The following KCNT2 variants were observed in gnomAD, a reference collection of about 807,000 sequenced individuals.
KCNT2 encodes potassium sodium-activated channel subfamily T member 2.
In KCNT2, 67 loss-of-function variants were observed where a neutral mutation model predicts 153.8. The observed-to-expected ratio is 0.44, with a 90% CI of 0.36 to 0.53. The LOEUF (loss-of-function observed/expected upper bound fraction) is 0.53. Ranked by LOEUF, KCNT2 falls within the 20% of genes least tolerant of loss-of-function variation. The pLI, the probability that KCNT2 is intolerant of heterozygous loss-of-function variation, is 0.00. For synonymous variants in KCNT2, 500 were observed against 458.8 expected (o/e 1.09, Z -1.15); for missense variants, 975 against 1,354.8 (o/e 0.72, Z 4.40).
chr1:196,336,308 C>T (rs1024636973), intron 16 of KCNT2, among the ~76,000 whole-genome samples: 1 of 152,074 alleles, frequency 6.6e-6, no homozygotes, highest in Non-Finnish European at 1.5e-5. Flanking sequence ...CACATCATCT[C>T]TCCTTCTGGC....
intron 7 of KCNT2, among the ~76,000 whole-genome samples, chr1:196,466,128 T>C (rs1345383251): frequency 6.6e-6 from 1 of 152,102 alleles, no homozygotes; most frequent in African/African-American, 2.4e-5. Context: ...CATAAATTAA[T>C]ATTGCAAAAC....
chr1:196,287,409 G>A (rs1205363283), intron 22 of KCNT2, among the ~76,000 whole-genome samples: 5 of 151,954 alleles, frequency 3.3e-5, no homozygotes, highest in Admixed American at 6.6e-5. Flanking sequence ...GTGCTGGAAC[G>A]CCTGAGAATT....
At chr1:196,535,751 G>A (rs1377542398) in intron 1 of KCNT2, among the ~76,000 whole-genome samples, 1 of 152,122 alleles carries the variant, frequency 6.6e-6, no homozygotes, top group Non-Finnish European at 1.5e-5. Context: ...GCAATCTGTG[G>A]GTGCAAGCCA....
At chr1:196,321,610 A>G (rs1339763230) in intron 19 of KCNT2, among the ~76,000 whole-genome samples, 1 of 151,986 alleles carries the variant, frequency 6.6e-6, no homozygotes, top group Non-Finnish European at 1.5e-5. Flanking sequence ...GTATTGTGGT[A>G]GTATGGTTCA....
chr1:196,504,681 A>T (rs1680984322), intron 1 of KCNT2, among the ~76,000 whole-genome samples: 1 of 152,146 alleles, frequency 6.6e-6, no homozygotes, highest in South Asian at 2.1e-4. Flanking sequence ...CAATGGTTGA[A>T]CTAGTTTATA....
At chr1:196,585,941 C>A (rs1662626487) in intron 1 of KCNT2, among the ~76,000 whole-genome samples, 1 of 151,998 alleles carries the variant, frequency 6.6e-6, no homozygotes, top group South Asian at 2.1e-4. Flanking sequence ...AATCTCAACT[C>A]TATTGAACTC....
chr1:196,513,407 C>T (rs940673952), intron 1 of KCNT2, among the ~76,000 whole-genome samples: 1 of 152,168 alleles, frequency 6.6e-6, no homozygotes, highest in Non-Finnish European at 1.5e-5. Flanking sequence ...TCCCAAATAA[C>T]CTTGCTCCAA....
At chr1:196,595,065 G>T (rs978821349) in intron 1 of KCNT2, among the ~76,000 whole-genome samples, 2 of 151,980 alleles carry the variant, frequency 1.3e-5, no homozygotes, top group Non-Finnish European at 2.9e-5. Context: ...GAGATAGGGT[G>T]CATAAAACAG....
chr1:196,283,732 A>C (rs1277612527), intron 23 of KCNT2, among the ~76,000 whole-genome samples: 1 of 152,162 alleles, frequency 6.6e-6, no homozygotes, highest in Non-Finnish European at 1.5e-5. Context: ...TTTTTAAAAA[A>C]GCCACAAAAT....
chr1:196,514,386 T>C (rs575275315), intron 1 of KCNT2, among the ~76,000 whole-genome samples: 1 of 152,290 alleles, frequency 6.6e-6, no homozygotes, highest in African/African-American at 2.4e-5. Context: ...TGGGGCTGAT[T>C]TGGAATCCCC....
At chr1:196,323,803 C>A (rs962452143) in intron 19 of KCNT2, among the ~76,000 whole-genome samples, 7 of 151,626 alleles carry the variant, frequency 4.6e-5, no homozygotes, top group Non-Finnish European at 8.8e-5. Context: ...TTAAGTCAAA[C>A]CCTCAAAACT....
chr1:196,252,291 C>T (rs1434966630), intron 26 of KCNT2, among the ~76,000 whole-genome samples: 1 of 151,638 alleles, frequency 6.6e-6, no homozygotes, highest in Admixed American at 6.6e-5. Context: ...ATATTTTAGG[C>T]TTTGCAGACC....
At chr1:196,490,004 T>C (rs1679738771) in intron 2 of KCNT2, 67 bp from the exon 3 acceptor site, 6 of 686,668 alleles carry the variant, frequency 8.7e-6, no homozygotes, top group Non-Finnish European at 1.2e-5. Context: ...AAAAGAATTG[T>C]CAAAAATATC....
At chr1:196,360,408 T>G (rs1667518967) in intron 14 of KCNT2, among the ~76,000 whole-genome samples, 1 of 152,026 alleles carries the variant, frequency 6.6e-6, no homozygotes, top group Non-Finnish European at 1.5e-5. Context: ...ATTATTTGCA[T>G]AGAGGCAACA....
chr1:196,368,273 A>G (rs1006996337), intron 14 of KCNT2, among the ~76,000 whole-genome samples: 5 of 152,194 alleles, frequency 3.3e-5, no homozygotes, highest in Admixed American at 6.6e-5. Context: ...GAAGCATTCC[A>G]GTCTCCGGAT....
chr1:196,447,184 G>A (rs572108069), intron 8 of KCNT2, among the ~76,000 whole-genome samples: 1 of 151,286 alleles, frequency 6.6e-6, no homozygotes, highest in East Asian at 2.0e-4. Flanking sequence ...CATATTTTAT[G>A]TTATCAAAAG....
intron 1 of KCNT2, among the ~76,000 whole-genome samples, chr1:196,492,824 A>T (rs757004491): frequency 9.9e-5 from 15 of 152,146 alleles, no homozygotes; most frequent in Non-Finnish European, 1.6e-4. Context: ...GGGCCTAATA[A>T]TCAATTCTTC....
chr1:196,410,528 T>A (rs1672206607), intron 12 of KCNT2, among the ~76,000 whole-genome samples: 1 of 151,408 alleles, frequency 6.6e-6, no homozygotes, highest in African/African-American at 2.4e-5. Context: ...GTAACTAACC[T>A]GCACGTTGTG....
At chr1:196,290,203 T>C (rs1248881629) in intron 22 of KCNT2, among the ~76,000 whole-genome samples, 1 of 152,108 alleles carries the variant, frequency 6.6e-6, no homozygotes, top group Non-Finnish European at 1.5e-5. Context: ...AATCATAATG[T>C]AATTCCTAAA....
Sources: allele counts gnomAD v4.1 joint callset (sites outside exome capture counted in the v4.1 genomes callset), GRCh38; gene constraint gnomAD v4.1.1; transcripts MANE v1.5; gene names NCBI Gene and HGNC (gene_info 2026-07-23, HGNC 2026-07-21).